IFTAP: variants seen among roughly 807,000 people sequenced by gnomAD.
The protein encoded by IFTAP is intraflagellar transport associated protein.
IFTAP carries 19 observed loss-of-function variants against 19.4 expected under a neutral mutation model. That is an observed-to-expected ratio of 0.98 (90% CI 0.68 to 1.44). IFTAP has a LOEUF of 1.44. IFTAP is among the 40% of genes most tolerant of loss of function. The probability of loss-of-function intolerance (pLI) is 0.00; values close to 1 mark genes in which losing one functional copy is unlikely to be tolerated. For synonymous variants in IFTAP, 85 were observed against 83.5 expected, an observed-to-expected ratio of 1.02 and a Z score of -0.10; for missense variants, 240 against 253.6, an observed-to-expected ratio of 0.95 and a Z score of 0.36.
intron 4 of IFTAP, among the ~76,000 whole-genome samples, chr11:36,645,320 G>C (rs528009571): frequency 6.6e-6 from 1 of 152,102 alleles, no homozygotes; most frequent in Non-Finnish European, 1.5e-5. Flanking sequence ...TTCTAAACAC[G>C]TGGTTGAGAA....
intron 5 of IFTAP, among the ~76,000 whole-genome samples, chr11:36,651,180 A>G (rs1251544977): frequency 6.6e-6 from 1 of 152,284 alleles, no homozygotes; most frequent in South Asian, 2.1e-4. Flanking sequence ...CAACAGTGTA[A>G]AAGTGTTCCT....
rs373767699 is a variant in IFTAP, at chr11:36,659,187, T to C, written c.*1T>C. 59 of 1,569,418 alleles carry C rather than the reference T, an allele frequency of 3.8e-5. No homozygotes were observed. The African/African-American group carries it at 7.1e-4, about 19-fold the overall frequency. On this transcript the variant is annotated 3_prime_UTR_variant, in exon 6 of 6. Coordinates refer to ENST00000334307, the MANE Select transcript of IFTAP (RefSeq NM_138787.4). ...AGACTTAGAGAAATCCTGTGACTGA[T>C]TCACAGAGGCATTTTGTGTGTGTGT... is the stretch of plus-strand genomic sequence containing the variant.
At chr11:36,610,345 C>A in intron 2 of IFTAP, 106 bp downstream of exon 2, 1 of 1,074,700 alleles carries the variant, frequency 9.3e-7, no homozygotes, top group Non-Finnish European at 1.3e-6. Context: ...AACATTCATT[C>A]CATTCGTTTA....
chr11:36,618,994 C>T (rs12291763), intron 2 of IFTAP, among the ~76,000 whole-genome samples: 1 of 151,968 alleles, frequency 6.6e-6, no homozygotes, highest in Admixed American at 6.6e-5. Context: ...AGGGTACTGG[C>T]AGAGGATTAA....
At chr11:36,613,764 C>T (rs1220141386) in intron 2 of IFTAP, among the ~76,000 whole-genome samples, 1 of 152,044 alleles carries the variant, frequency 6.6e-6, no homozygotes, top group Non-Finnish European at 1.5e-5. Context: ...TGTTAAAATG[C>T]CTCCATTGGT....
At chr11:36,612,288 T>C (rs1232983878) in intron 2 of IFTAP, among the ~76,000 whole-genome samples, 1 of 151,928 alleles carries the variant, frequency 6.6e-6, no homozygotes, top group Non-Finnish European at 1.5e-5. Flanking sequence ...TTGTTTTTTT[T>C]TTTCTTTCAA....
At chr11:36,652,021 T>A (rs1282499060) in intron 5 of IFTAP, among the ~76,000 whole-genome samples, 1 of 152,142 alleles carries the variant, frequency 6.6e-6, no homozygotes, top group Non-Finnish European at 1.5e-5. Flanking sequence ...CTTAGGATTG[T>A]CTTGGCAATG....
At chr11:36,628,852 G>T (rs1367565227) in intron 2 of IFTAP, among the ~76,000 whole-genome samples, 1 of 151,158 alleles carries the variant, frequency 6.6e-6, no homozygotes, top group Non-Finnish European at 1.5e-5. Context: ...GGCTATGACT[G>T]TGAATAATGA....
At chr11:36,648,838 A>G (rs530543353) in intron 5 of IFTAP, among the ~76,000 whole-genome samples, 73 of 152,274 alleles carry the variant, frequency 4.8e-4, no homozygotes, top group African/African-American at 1.7e-3. Context: ...GTGACCACTT[A>G]GTCACATGTT....
rs377343314 is a variant in IFTAP at position 36,615,767 on chromosome 11, G to A, written c.136+5528G>A. ...CTTGTGATTTTTGTACATTGATTTT[G>A]TATCCTGAGACTTTGCTGAAGTTGC... On this transcript the variant is annotated intron_variant, in intron 2 of 5. Coordinates refer to ENST00000334307, the MANE Select transcript of IFTAP (RefSeq NM_138787.4). Among the ~76,000 whole-genome samples, 1,277 of 148,990 alleles carry A rather than the reference G, an allele frequency of 8.6e-3. 16 individuals carry two copies. Among genetic ancestry groups the A allele is most frequent in the Non-Finnish European group, 0.011 (744 of 67,268 alleles).
At chr11:36,636,798 G>T (rs907403791) in intron 4 of IFTAP, among the ~76,000 whole-genome samples, 1 of 152,098 alleles carries the variant, frequency 6.6e-6, no homozygotes, top group Non-Finnish European at 1.5e-5. Flanking sequence ...ATTGAAAAAG[G>T]CTTCATGCTA....
chr11:36,656,389 G>A (rs555939990), intron 5 of IFTAP, among the ~76,000 whole-genome samples: 21 of 152,220 alleles, frequency 1.4e-4, no homozygotes, highest in Non-Finnish European at 2.8e-4. Flanking sequence ...GGCCGACATG[G>A]CGAAACCCTA....
At chr11:36,637,885 CTT>C (rs11322653) in intron 4 of IFTAP, among the ~76,000 whole-genome samples, 4 of 145,750 alleles carry the variant, frequency 2.7e-5, no homozygotes, top group Admixed American at 6.8e-5. Flanking sequence ...TTATGTCAAT[CTT>C]TTTTTTTTTT....
chr11:36,653,950 A>G (rs534986621), intron 5 of IFTAP, among the ~76,000 whole-genome samples: 1 of 152,246 alleles, frequency 6.6e-6, no homozygotes, highest in African/African-American at 2.4e-5. Flanking sequence ...TGTCTTTTCT[A>G]TTTGTTCATT....
chr11:36,630,081 G>A (rs1590218098), intron 2 of IFTAP, among the ~76,000 whole-genome samples: 1 of 151,198 alleles, frequency 6.6e-6, no homozygotes, highest in East Asian at 1.9e-4. Context: ...ACGAACCCTT[G>A]GGTGGCACAT....
intron 2 of IFTAP, among the ~76,000 whole-genome samples, chr11:36,621,972 C>T (rs1852306475): frequency 6.6e-6 from 1 of 151,852 alleles, no homozygotes; most frequent in South Asian, 2.1e-4. Context: ...TTTGGGGTCT[C>T]AGTTTTAGAT....
chr11:36,629,253 A>G (rs1296782739), intron 2 of IFTAP, among the ~76,000 whole-genome samples: 1 of 151,214 alleles, frequency 6.6e-6, no homozygotes, highest in Non-Finnish European at 1.5e-5. Flanking sequence ...CAGAGTACCC[A>G]ACCTTGTTAT....
chr11:36,611,895 G>T (rs1365250122), intron 2 of IFTAP, among the ~76,000 whole-genome samples: 1 of 151,968 alleles, frequency 6.6e-6, no homozygotes, highest in African/African-American at 2.4e-5. Context: ...TGTGTTTTCT[G>T]GACCCAAACA....
intron 4 of IFTAP, among the ~76,000 whole-genome samples, chr11:36,643,526 G>A (rs913405845): frequency 2.0e-5 from 3 of 152,160 alleles, no homozygotes; most frequent in African/African-American, 7.2e-5. Context: ...CCAAAAAAGA[G>A]CCTGCATTGC....
Sources: gnomAD v4.1 joint callset for allele counts (sites outside exome capture counted in the v4.1 genomes callset) on GRCh38, gnomAD v4.1.1 for gene constraint, MANE v1.5 for transcripts, NCBI Gene and HGNC (gene_info 2026-07-23, HGNC 2026-07-21) for gene names.